The following NCOA2 variants were observed in gnomAD, a reference collection of about 807,000 sequenced individuals.
NCOA2 encodes the protein nuclear receptor coactivator 2.
Under a neutral mutation model 145.1 loss-of-function variants are expected in NCOA2, and 21 were observed. The ratio of observed to expected loss-of-function variants is 0.14; its 90% CI spans 0.10 to 0.21. The LOEUF (loss-of-function observed/expected upper bound fraction) is 0.21, where lower values mean the gene tolerates loss of function less well. Among genes scored for constraint, NCOA2 ranks in the 10% least tolerant of loss-of-function variants. NCOA2 has a pLI of 1.00. For missense variants in NCOA2, 1,472 were observed against 1,837.6 expected (o/e 0.80, Z 3.64); for synonymous variants, 619 against 637.5 (o/e 0.97, Z 0.44).
chr8:70,234,053 T>C (rs924948172), intron 2 of NCOA2, among the ~76,000 whole-genome samples: 3 of 152,194 alleles, frequency 2.0e-5, no homozygotes, highest in Non-Finnish European at 4.4e-5. Context: ...GCCACTGATC[T>C]ACTCTCTATC....
the NCOA2 span, among the ~76,000 whole-genome samples, chr8:70,416,883 A>C: frequency 6.6e-6 from 1 of 152,316 alleles, no homozygotes; most frequent in Admixed American, 6.5e-5. Context: ...AGTTTCTAAC[A>C]CATGCTTTTT....
chr8:70,198,002 C>T (rs1000610716), intron 4 of NCOA2, among the ~76,000 whole-genome samples: 5 of 152,018 alleles, frequency 3.3e-5, no homozygotes, highest in African/African-American at 9.7e-5. Flanking sequence ...GATCTCACTA[C>T]GTTGCCCAGG....
intron 1 of NCOA2, among the ~76,000 whole-genome samples, chr8:70,355,560 T>C (rs1223521720): frequency 6.6e-6 from 1 of 152,102 alleles, no homozygotes; most frequent in African/African-American, 2.4e-5. Flanking sequence ...TTTTCAAATG[T>C]CATGAGATTT....
chr8:70,185,537 A>G (rs149070005), intron 4 of NCOA2, among the ~76,000 whole-genome samples: 1 of 152,244 alleles, frequency 6.6e-6, no homozygotes, highest in East Asian at 1.9e-4. Flanking sequence ...CATGAGAACA[A>G]AGGAAGTAAC....
intron 3 of NCOA2, among the ~76,000 whole-genome samples, chr8:70,215,734 TC>T (rs1271714613): frequency 6.6e-6 from 1 of 152,216 alleles, no homozygotes; most frequent in Non-Finnish European, 1.5e-5. Context: ...GTGAAAAGTC[TC>T]TCTTCTACTT....
At chr8:70,447,838 C>T in the NCOA2 span, among the ~76,000 whole-genome samples, 1 of 152,054 alleles carries the variant, frequency 6.6e-6, no homozygotes, top group Non-Finnish European at 1.5e-5. Context: ...GAGCATGCCA[C>T]TACACCTTGC....
intron 4 of NCOA2, among the ~76,000 whole-genome samples, chr8:70,184,434 A>C (rs1439425737): frequency 6.6e-6 from 1 of 152,218 alleles, no homozygotes; most frequent in Non-Finnish European, 1.5e-5. Context: ...AGCCAGGATA[A>C]AAGAGCACTT....
chr8:70,161,592 T>G (rs955877430), intron 9 of NCOA2, among the ~76,000 whole-genome samples: 5 of 152,212 alleles, frequency 3.3e-5, no homozygotes, highest in African/African-American at 1.2e-4. Flanking sequence ...ATAAGTGATC[T>G]AAAAAGTATA....
intron 1 of NCOA2, among the ~76,000 whole-genome samples, chr8:70,352,638 C>A (rs1374377475): frequency 6.6e-6 from 1 of 152,156 alleles, no homozygotes; most frequent in Admixed American, 6.5e-5. Flanking sequence ...ATAGTAAACA[C>A]CATGTAGTTA....
At chr8:70,128,543 A>C in intron 17 of NCOA2, 33 bp from the exon 18 acceptor site, 1 of 1,602,146 alleles carries the variant, frequency 6.2e-7, no homozygotes, top group Non-Finnish European at 8.5e-7. Context: ...AATACATTTT[A>C]AGAACAGAAT....
At chr8:70,369,154 T>C (rs753254447) in intron 1 of NCOA2, among the ~76,000 whole-genome samples, 1 of 152,226 alleles carries the variant, frequency 6.6e-6, no homozygotes, top group Non-Finnish European at 1.5e-5. Flanking sequence ...ATTATCAAAA[T>C]GAATAGACTT....
chr8:70,279,030 T>C (rs1239375954), intron 2 of NCOA2, among the ~76,000 whole-genome samples: 1 of 151,966 alleles, frequency 6.6e-6, no homozygotes, highest in Non-Finnish European at 1.5e-5. Flanking sequence ...TGAATCCCTA[T>C]GGCACTCAAG....
chr8:70,282,401 T>C (rs538859026), intron 2 of NCOA2, among the ~76,000 whole-genome samples: 2 of 152,256 alleles, frequency 1.3e-5, no homozygotes, highest in East Asian at 1.9e-4. Flanking sequence ...AGCCAGGCCA[T>C]AAGGCCGGGC....
At chr8:70,136,828 GACAGTAAGATT>G (rs1809791059) in intron 15 of NCOA2, among the ~76,000 whole-genome samples, 1 of 152,202 alleles carries the variant, frequency 6.6e-6, no homozygotes, top group African/African-American at 2.4e-5. Flanking sequence ...GATTTTCTAT[GACAGTAAGATT>G]ACCATAAAGC....
At chr8:70,441,291 A>G in the NCOA2 span, among the ~76,000 whole-genome samples, 1 of 150,666 alleles carries the variant, frequency 6.6e-6, no homozygotes, top group Non-Finnish European at 1.5e-5. Context: ...TAAAAAAGGA[A>G]GAAAAGAAAG....
At chr8:70,334,939 C>A (rs562517160) in intron 1 of NCOA2, among the ~76,000 whole-genome samples, 1 of 151,828 alleles carries the variant, frequency 6.6e-6, no homozygotes, top group South Asian at 2.1e-4. Flanking sequence ...GCCTGACCGA[C>A]ACGGTGAAAC....
chr8:70,277,830 G>A (rs1422470898), intron 2 of NCOA2, among the ~76,000 whole-genome samples: 1 of 150,306 alleles, frequency 6.7e-6, no homozygotes, highest in Non-Finnish European at 1.5e-5. Flanking sequence ...TATTCCATAT[G>A]CCTGATTCTA....
At chr8:70,209,354 T>A (rs1031579137) in intron 4 of NCOA2, among the ~76,000 whole-genome samples, 2 of 152,240 alleles carry the variant, frequency 1.3e-5, no homozygotes, top group African/African-American at 4.8e-5. Context: ...CTGTGAACAC[T>A]GTTGAAATGA....
intron 2 of NCOA2, chr8:70,273,585 C>T (rs1825237498): frequency 2.6e-6 from 2 of 761,208 alleles, no homozygotes; most frequent in Non-Finnish European, 4.6e-6. Context: ...TTTAACAACC[C>T]TAAAGCCCAG....
Sources: gnomAD v4.1 joint callset for allele counts (sites outside exome capture counted in the v4.1 genomes callset) on GRCh38, gnomAD v4.1.1 for gene constraint, MANE v1.5 for transcripts, NCBI Gene and HGNC (gene_info 2026-07-23, HGNC 2026-07-21) for gene names.